SLC24A3: variants seen among roughly 807,000 people sequenced by gnomAD.
SLC24A3 encodes the protein sodium/potassium/calcium exchanger 3.
A neutral mutation model predicts 75.8 loss-of-function variants in SLC24A3; 28 were observed. The observed-to-expected ratio is 0.37, with a 90% CI of 0.27 to 0.51. The LOEUF is 0.51. Ranked by LOEUF, SLC24A3 falls within the 20% of genes least tolerant of loss-of-function variation. SLC24A3 has a pLI of 0.94. For missense variants in SLC24A3, 663 were observed against 847.8 expected (o/e 0.78, Z 2.71); for synonymous variants, 372 against 334.1 (o/e 1.11, Z -1.24).
intron 2 of SLC24A3, among the ~76,000 whole-genome samples, chr20:19,357,440 C>G (rs912756356): frequency 6.6e-6 from 1 of 152,158 alleles, no homozygotes; most frequent in African/African-American, 2.4e-5. Context: ...TAGGGATGGC[C>G]TCTTCTGTGG....
intron 2 of SLC24A3, among the ~76,000 whole-genome samples, chr20:19,435,585 T>C (rs1412648277): frequency 6.6e-6 from 1 of 152,176 alleles, no homozygotes; most frequent in Non-Finnish European, 1.5e-5. Flanking sequence ...GCAATTAGTA[T>C]GTGCTTAAAG....
chr20:19,217,389 G>A (rs187691036), intron 1 of SLC24A3, among the ~76,000 whole-genome samples: 138 of 152,294 alleles, frequency 9.1e-4, no homozygotes, highest in African/African-American at 3.3e-3. Context: ...ATTTCCCAAG[G>A]TGGCTAAGGT....
chr20:19,345,683 A>G (rs1985378028), intron 2 of SLC24A3, among the ~76,000 whole-genome samples: 1 of 152,222 alleles, frequency 6.6e-6, no homozygotes, highest in Non-Finnish European at 1.5e-5. Context: ...AAGCATTTGG[A>G]AAAATGCTCA....
At chr20:19,415,210 G>A (rs914498980) in intron 2 of SLC24A3, among the ~76,000 whole-genome samples, 3 of 152,192 alleles carry the variant, frequency 2.0e-5, no homozygotes, top group African/African-American at 7.2e-5. Context: ...CACGCTTGTG[G>A]ATACACAGGT....
At chr20:19,285,656 G>C (rs939608146) in intron 2 of SLC24A3, among the ~76,000 whole-genome samples, 2 of 150,816 alleles carry the variant, frequency 1.3e-5, no homozygotes, top group Admixed American at 6.6e-5. Flanking sequence ...GAATTTTTAA[G>C]GTTGTTTTCT....
intron 1 of SLC24A3, among the ~76,000 whole-genome samples, chr20:19,258,657 G>A (rs6081550): frequency 0.013 from 1,934 of 152,256 alleles, 23 homozygotes; most frequent in Middle Eastern, 0.037. Flanking sequence ...AGCTGAGATC[G>A]CGCCACTGCA....
intron 2 of SLC24A3, among the ~76,000 whole-genome samples, chr20:19,492,982 CT>C (rs1988229996): frequency 6.6e-6 from 1 of 151,646 alleles, no homozygotes; most frequent in South Asian, 2.1e-4. Context: ...TATTTCTAAT[CT>C]TTCCAATAAT....
At chr20:19,440,645 GTTT>G (rs11469517) in intron 2 of SLC24A3, among the ~76,000 whole-genome samples, 50,603 of 131,022 alleles carry the variant, frequency 0.39, 9,691 homozygotes, top group East Asian at 0.74. Flanking sequence ...AGGCCTCACT[GTTT>G]TTTTTTTTTT....
intron 2 of SLC24A3, among the ~76,000 whole-genome samples, chr20:19,498,383 G>A (rs567394528): frequency 5.3e-5 from 8 of 152,244 alleles, no homozygotes; most frequent in Non-Finnish European, 1.0e-4. Context: ...AAAGGTTGGG[G>A]ACTGCAGCAT....
chr20:19,650,868 C>CTTTCTGTACGTTAG (rs2032194943), intron 6 of SLC24A3, among the ~76,000 whole-genome samples: 1 of 152,114 alleles, frequency 6.6e-6, no homozygotes, highest in African/African-American at 2.4e-5. Flanking sequence ...TAGAGCTCTC[C>CTTTCTGTACGTTAG]AATCTTCTTT....
At chr20:19,676,147 G>A (rs2032520862) in intron 9 of SLC24A3, among the ~76,000 whole-genome samples, 1 of 152,210 alleles carries the variant, frequency 6.6e-6, no homozygotes, top group African/African-American at 2.4e-5. Flanking sequence ...GATGTGGCCA[G>A]AGAGAAGAAG....
intron 15 of SLC24A3, among the ~76,000 whole-genome samples, chr20:19,708,601 C>T (rs534770158): frequency 2.0e-5 from 3 of 152,204 alleles, no homozygotes; most frequent in African/African-American, 4.8e-5. Context: ...GGCGATGCCA[C>T]GTTGGTAGCT....
chr20:19,321,390 G>C (rs1196409442), intron 2 of SLC24A3, among the ~76,000 whole-genome samples: 4 of 152,198 alleles, frequency 2.6e-5, no homozygotes, highest in African/African-American at 4.8e-5. Context: ...CCTGGCATGG[G>C]CTGAGCACTG....
At chr20:19,608,113 T>A (rs1427924417) in intron 6 of SLC24A3, among the ~76,000 whole-genome samples, 1 of 152,226 alleles carries the variant, frequency 6.6e-6, no homozygotes, top group African/African-American at 2.4e-5. Flanking sequence ...GCAAGAAGCC[T>A]TCCCTGGTTT....
intron 1 of SLC24A3, among the ~76,000 whole-genome samples, chr20:19,253,274 C>T (rs938136890): frequency 9.2e-5 from 14 of 152,294 alleles, no homozygotes; most frequent in African/African-American, 3.4e-4. Context: ...TGACCTGCCA[C>T]GCTTGGTTGC....
chr20:19,716,767 A>C (rs1198482609), intron 15 of SLC24A3, among the ~76,000 whole-genome samples: 1 of 152,028 alleles, frequency 6.6e-6, no homozygotes, highest in Non-Finnish European at 1.5e-5. Flanking sequence ...TGTAGTCCTC[A>C]GGAGGCTGAG....
At chr20:19,260,353 A>G (rs1982944629) in intron 1 of SLC24A3, among the ~76,000 whole-genome samples, 1 of 152,216 alleles carries the variant, frequency 6.6e-6, no homozygotes, top group Admixed American at 6.5e-5. Context: ...AGGTTAAGTA[A>G]GGTGTTGAGA....
At chr20:19,678,317 G>T (rs535584180) in intron 9 of SLC24A3, among the ~76,000 whole-genome samples, 9,225 of 133,710 alleles carry the variant, frequency 0.069, 531 homozygotes, top group Middle Eastern at 0.11. Flanking sequence ...CCCAGACGGG[G>T]CGGCTGGCCG....
intron 1 of SLC24A3, among the ~76,000 whole-genome samples, chr20:19,275,764 G>C (rs1218750153): frequency 6.6e-6 from 1 of 152,120 alleles, no homozygotes; most frequent in Non-Finnish European, 1.5e-5. Context: ...TGCTTTTCGA[G>C]TTGAGAGCTT....
Sources: allele counts gnomAD v4.1 joint callset (sites outside exome capture counted in the v4.1 genomes callset), GRCh38; gene constraint gnomAD v4.1.1; transcripts MANE v1.5; gene names NCBI Gene and HGNC (gene_info 2026-07-23, HGNC 2026-07-21).